TASP1: variants seen among roughly 807,000 people sequenced by gnomAD.
TASP1 encodes the protein taspase 1.
A neutral mutation model predicts 56.6 loss-of-function variants in TASP1; 16 were observed. The ratio of observed to expected loss-of-function variants is 0.28; its 90% CI spans 0.19 to 0.43. The LOEUF is 0.43. Ranked by LOEUF, TASP1 falls within the 20% of genes least tolerant of loss-of-function variation. The probability of loss-of-function intolerance (pLI) is 1.00; values close to 1 mark genes in which losing one functional copy is unlikely to be tolerated. For synonymous variants in TASP1, 179 were observed against 184.2 expected (o/e 0.97, Z 0.23); for missense variants, 393 against 511.6 (o/e 0.77, Z 2.24).
chr20:13,522,631 C>A (rs1300265568), intron 10 of TASP1, among the ~76,000 whole-genome samples: 1 of 152,058 alleles, frequency 6.6e-6, no homozygotes, highest in African/African-American at 2.4e-5. Context: ...GTTATATATA[C>A]AAGTGGAGAT....
chr20:13,506,471 G>A (rs904722474), intron 10 of TASP1, among the ~76,000 whole-genome samples: 13 of 152,134 alleles, frequency 8.5e-5, no homozygotes, highest in African/African-American at 2.9e-4. Context: ...TATCCTTGAT[G>A]ACACAGATGC....
chr20:13,531,156 C>T (rs985349766), intron 9 of TASP1, among the ~76,000 whole-genome samples: 2 of 152,142 alleles, frequency 1.3e-5, no homozygotes, highest in Non-Finnish European at 2.9e-5. Context: ...AATTTAAATA[C>T]ATTTTGACAT....
At chr20:13,509,972 T>A (rs1025507214) in intron 10 of TASP1, among the ~76,000 whole-genome samples, 1 of 152,156 alleles carries the variant, frequency 6.6e-6, no homozygotes, top group African/African-American at 2.4e-5. Flanking sequence ...GTCAAAAAAC[T>A]ACCTACTGGG....
At chr20:13,121,308 GAGCATTAGCCCCAGA>G in the TASP1 span, among the ~76,000 whole-genome samples, 1 of 152,158 alleles carries the variant, frequency 6.6e-6, no homozygotes, top group African/African-American at 2.4e-5. Context: ...AATTTGGGGT[GAGCATTAGCCCCAGA>G]AGCCTGCATG....
chr20:13,404,881 A>C (rs1200275457), intron 13 of TASP1, among the ~76,000 whole-genome samples: 3 of 152,182 alleles, frequency 2.0e-5, no homozygotes, highest in Non-Finnish European at 4.4e-5. Context: ...TTTGTTACAC[A>C]TAAAAAATAT....
intron 4 of TASP1, among the ~76,000 whole-genome samples, chr20:13,594,870 A>C (rs1204493589): frequency 6.6e-6 from 1 of 152,244 alleles, no homozygotes; most frequent in Non-Finnish European, 1.5e-5. Flanking sequence ...CAGGAAATAC[A>C]GAGAACACCA....
At chr20:13,293,994 AG>A in the TASP1 span, among the ~76,000 whole-genome samples, 1 of 152,156 alleles carries the variant, frequency 6.6e-6, no homozygotes, top group East Asian at 1.9e-4. Context: ...AGAAAGAAAA[AG>A]AAAAAAAAGA....
chr20:13,522,259 G>A (rs974364988), intron 10 of TASP1, among the ~76,000 whole-genome samples: 2 of 152,098 alleles, frequency 1.3e-5, no homozygotes, highest in South Asian at 2.1e-4. Flanking sequence ...GAGGTATATC[G>A]TTTGAGTTCG....
chr20:13,307,259 A>C, the TASP1 span, among the ~76,000 whole-genome samples: 1 of 152,202 alleles, frequency 6.6e-6, no homozygotes, highest in Admixed American at 6.5e-5. Context: ...CCTTTGGGCC[A>C]GTCTTTTTCA....
chr20:13,562,683 C>A (rs2046380873), intron 7 of TASP1, among the ~76,000 whole-genome samples: 1 of 151,676 alleles, frequency 6.6e-6, no homozygotes, highest in Non-Finnish European at 1.5e-5. Context: ...TCGAGACCAG[C>A]CTGGGCAACA....
the TASP1 span, among the ~76,000 whole-genome samples, chr20:13,194,543 ATGTGTGTG>A: frequency 0.23 from 32,631 of 142,202 alleles, 3,625 homozygotes; most frequent in Non-Finnish European, 0.25. Flanking sequence ...TCACCAAGAA[ATGTGTGTG>A]TGTGTGTGTG....
intron 1 of TASP1, among the ~76,000 whole-genome samples, chr20:13,638,458 G>T (rs1037795764): frequency 1.3e-5 from 2 of 151,518 alleles, no homozygotes; most frequent in Non-Finnish European, 2.9e-5. Context: ...CTAACGACCC[G>T]CAGGACTCTC....
chr20:13,399,699 G>A (rs1024983156), intron 13 of TASP1, among the ~76,000 whole-genome samples: 4 of 152,082 alleles, frequency 2.6e-5, no homozygotes, highest in Admixed American at 6.6e-5. Context: ...CCTTCCACCC[G>A]GCCTCCCTTT....
the TASP1 span, among the ~76,000 whole-genome samples, chr20:13,316,421 AATT>A: frequency 6.6e-6 from 1 of 151,944 alleles, no homozygotes; most frequent in Non-Finnish European, 1.5e-5. Context: ...AAGTAGAGGG[AATT>A]ATTATTAACT....
intron 12 of TASP1, among the ~76,000 whole-genome samples, chr20:13,428,596 C>T (rs772306164): frequency 2.0e-5 from 3 of 152,110 alleles, no homozygotes; most frequent in Non-Finnish European, 4.4e-5. Context: ...GTTAAATCAG[C>T]GATTTGTAGG....
intron 11 of TASP1, among the ~76,000 whole-genome samples, chr20:13,458,222 CA>C (rs2043917895): frequency 1.3e-5 from 2 of 152,038 alleles, no homozygotes; most frequent in Admixed American, 6.6e-5. Context: ...CATTTGTTAA[CA>C]AGAGCAAGTT....
At chr20:13,363,114 G>C in the TASP1 span, among the ~76,000 whole-genome samples, 1 of 152,170 alleles carries the variant, frequency 6.6e-6, no homozygotes, top group African/African-American at 2.4e-5. Context: ...AAATCTCTCA[G>C]AATTTCCTGG....
chr20:13,299,548 T>C, the TASP1 span: 217 of 1,194,228 alleles, frequency 1.8e-4, no homozygotes, highest in African/African-American at 3.0e-3. This position sits in a 1 kb window ranked among gnomAD's most constrained non-coding sequence, Gnocchi z 5.8. Context: ...GAGACCTTCA[T>C]AGCTGCGGTC....
At chr20:13,480,166 C>T (rs1399726975) in intron 11 of TASP1, among the ~76,000 whole-genome samples, 4 of 152,142 alleles carry the variant, frequency 2.6e-5, no homozygotes, top group African/African-American at 4.8e-5. Flanking sequence ...CCAGAAGATA[C>T]GACATAGACA....
Sources: allele counts gnomAD v4.1 joint callset (sites outside exome capture counted in the v4.1 genomes callset), GRCh38; gene constraint gnomAD v4.1.1; non-coding constraint Gnocchi (gnomAD v3.1); transcripts MANE v1.5; gene names NCBI Gene and HGNC (gene_info 2026-07-23, HGNC 2026-07-21).